Variants in PDE9A observed in about 807,000 individuals in gnomAD.
PDE9A encodes the protein phosphodiesterase 9A.
PDE9A carries 60 observed loss-of-function variants against 87.4 expected under a neutral mutation model. The observed-to-expected ratio is 0.69, with a 90% CI of 0.56 to 0.85. The LOEUF is 0.85. Among genes scored for constraint, PDE9A ranks in the 40% least tolerant of loss-of-function variants. The pLI, the probability that PDE9A is intolerant of heterozygous loss-of-function variation, is 0.00. For missense variants in PDE9A, 665 were observed against 779.0 expected, an observed-to-expected ratio of 0.85 and a Z score of 1.74; for synonymous variants, 272 against 279.4, an observed-to-expected ratio of 0.97 and a Z score of 0.27.
chr21:42,767,538 A>G (rs1220654191), intron 15 of PDE9A, among the ~76,000 whole-genome samples: 1 of 150,606 alleles, frequency 6.6e-6, no homozygotes, highest in African/African-American at 2.5e-5. Flanking sequence ...CTCCGAGCTG[A>G]ACTGAGCTGC....
intron 1 of PDE9A, among the ~76,000 whole-genome samples, chr21:42,657,018 C>G (rs1160619241): frequency 6.6e-6 from 1 of 152,240 alleles, no homozygotes; most frequent in South Asian, 2.1e-4. Context: ...AATGGGAAGG[C>G]AACTACAAAT....
At chr21:42,742,376 TAGTG>T (rs1434469460) in intron 7 of PDE9A, among the ~76,000 whole-genome samples, 11 of 151,784 alleles carry the variant, frequency 7.2e-5, no homozygotes, top group Admixed American at 3.3e-4. Context: ...AAGGATAACT[TAGTG>T]GGTGGTGGGA....
At chr21:42,747,498 G>A (rs543004511) in intron 8 of PDE9A, among the ~76,000 whole-genome samples, 13 of 152,358 alleles carry the variant, frequency 8.5e-5, no homozygotes, top group South Asian at 4.1e-4. Flanking sequence ...GTGGGGCCTC[G>A]GAGCCAGGGG....
At chr21:42,769,709 G>T (rs961527714) in intron 17 of PDE9A, among the ~76,000 whole-genome samples, 2 of 140,822 alleles carry the variant, frequency 1.4e-5, no homozygotes, top group African/African-American at 5.6e-5. Flanking sequence ...CATGCACACA[G>T]GTACACGCAG....
In PDE9A at chr21:42,698,890, C is replaced by T. The variant is rs531130063; in HGVS notation, c.219-78C>T. On this transcript the variant is annotated intron_variant, in intron 3 of 19. Transcript: ENST00000291539. ...CTAATCCGCTGATTTCTAATCATGC[C>T]GAGTGCTTATCTCTCCTGCCAGGCA... 7.4e-5 allele frequency: 62 copies of T among 843,322 alleles called. No homozygotes were observed. In the East Asian group the frequency reaches 1.0e-3, roughly 14 times the overall value. 52.2% of individuals were successfully genotyped at this position (843,322 alleles called of 1,614,324 possible). A position where few individuals can be genotyped will look rare whatever the true frequency, so the allele number is the denominator to read the frequency against.
intron 18 of PDE9A, among the ~76,000 whole-genome samples, chr21:42,771,607 A>G (rs533422241): frequency 3.3e-5 from 5 of 152,248 alleles, no homozygotes; most frequent in African/African-American, 1.2e-4. Flanking sequence ...TCCCCTAGTT[A>G]CTGTGCCCAC....
chr21:42,678,961 A>T (rs1297042769), intron 1 of PDE9A, among the ~76,000 whole-genome samples: 1 of 152,202 alleles, frequency 6.6e-6, no homozygotes, highest in African/African-American at 2.4e-5. Context: ...CACTAGAAGG[A>T]TCTCACTGGA....
At chr21:42,769,449 CACACACAGGCACACAA>C (rs1451743332) in intron 17 of PDE9A, among the ~76,000 whole-genome samples, 46 of 137,966 alleles carry the variant, frequency 3.3e-4, no homozygotes, top group African/African-American at 5.0e-4. Flanking sequence ...TGTACACAGG[CACACACAGGCACACAA>C]ATGTGCATGC....
chr21:42,742,679 C>G (rs1464188097), intron 7 of PDE9A, among the ~76,000 whole-genome samples: 1 of 151,972 alleles, frequency 6.6e-6, no homozygotes, highest in African/African-American at 2.4e-5. Context: ...ATTGGCCAGG[C>G]TGGTCTTGAA....
chr21:42,688,945 A>C (rs903730130), intron 3 of PDE9A, among the ~76,000 whole-genome samples: 3 of 150,890 alleles, frequency 2.0e-5, no homozygotes, highest in African/African-American at 7.3e-5. Flanking sequence ...GGACGTGGCC[A>C]GTGCTGCCTC....
At chr21:42,751,664 C>T (rs941354687) in intron 9 of PDE9A, among the ~76,000 whole-genome samples, 2 of 151,426 alleles carry the variant, frequency 1.3e-5, no homozygotes, top group South Asian at 2.1e-4. Flanking sequence ...TTTGAAATAA[C>T]GACAAAAGGA....
chr21:42,670,129 TCACACATGCTTACA>T (rs2058321952), intron 1 of PDE9A, among the ~76,000 whole-genome samples: 2 of 150,618 alleles, frequency 1.3e-5, no homozygotes, highest in African/African-American at 4.9e-5. Context: ...ATTCACAGGC[TCACACATGCTTACA>T]CACACATTCA....
rs1318437499 is a variant in PDE9A, at chr21:42,670,728, TACAC to T, written c.70-15463_70-15460del. Among the ~76,000 whole-genome samples, 3 of 149,804 alleles carry T rather than the reference TACAC, an allele frequency of 2.0e-5. No homozygotes were observed. The East Asian group carries it at 6.0e-4, about 30-fold the overall frequency. ...ACATACACTTACACTCACAGTCACATACACCCACATTCACACACATACACTCACA... is the reference window on the plus strand; with the variant it reads ...ACATACACTTACACTCACAGTCACATCCACATTCACACACATACACTCACA... On this transcript the variant is annotated intron_variant, in intron 1 of 19. Coordinates refer to ENST00000291539, the MANE Select transcript of PDE9A (RefSeq NM_002606.3).
intron 17 of PDE9A, among the ~76,000 whole-genome samples, chr21:42,769,845 G>A (rs1018298765): frequency 2.0e-5 from 3 of 152,084 alleles, no homozygotes; most frequent in African/African-American, 7.2e-5. Context: ...CGTGGTGACC[G>A]CTGTCCCTGT....
At chr21:42,767,825 A>G (rs1386482290) in intron 15 of PDE9A, among the ~76,000 whole-genome samples, 3 of 152,146 alleles carry the variant, frequency 2.0e-5, no homozygotes, top group Admixed American at 1.3e-4. Context: ...TGAAGCTCCT[A>G]TGGCATGCCC....
At position 42,775,391 on chromosome 21, in the gene PDE9A, G is replaced by C. The variant is rs2057412895; in HGVS notation, c.*98G>C. The C allele has an allele frequency of 6.4e-6, 6 of 935,364 alleles. No individual in the cohort carries two copies. The highest frequency in any genetic ancestry group is 1.7e-5 in the African/African-American group (1 of 57,336). 57.9% of individuals were successfully genotyped at this position (935,364 alleles called of 1,614,324 possible). ...CTGCCCTGGGCACCTGGCACCACAA[G>C]ACCATGTTTTCTAAGAACCATTTTG... On this transcript the variant is annotated 3_prime_UTR_variant, in exon 20 of 20. Coordinates refer to ENST00000291539, the MANE Select transcript of PDE9A (RefSeq NM_002606.3).
intron 4 of PDE9A, among the ~76,000 whole-genome samples, chr21:42,715,445 G>GTTATAGGAGCATAGTACTTCATTTTGTA (rs1555919454): frequency 6.6e-5 from 10 of 151,990 alleles, no homozygotes; most frequent in Admixed American, 2.6e-4. Flanking sequence ...TGGCCAACAT[G>GTTATAGGAGCATAGTACTTCATTTTGTA]GTGAAACCCT....
intron 8 of PDE9A, among the ~76,000 whole-genome samples, chr21:42,749,822 G>T (rs2054234716): frequency 6.6e-6 from 1 of 152,220 alleles, no homozygotes; most frequent in Non-Finnish European, 1.5e-5. Flanking sequence ...GACTGACTTT[G>T]GTGCAATTCC....
At chr21:42,732,624 C>T (rs1424907202) in intron 6 of PDE9A, among the ~76,000 whole-genome samples, 1 of 152,136 alleles carries the variant, frequency 6.6e-6, no homozygotes, top group South Asian at 2.1e-4. Context: ...TTTTAAAAAC[C>T]TTTGAATTGG....
Sources: gnomAD v4.1 joint callset for allele counts (sites outside exome capture counted in the v4.1 genomes callset) on GRCh38, gnomAD v4.1.1 for gene constraint, MANE v1.5 for transcripts, NCBI Gene and HGNC (gene_info 2026-07-23, HGNC 2026-07-21) for gene names.